Variants in PMP22 observed in about 807,000 individuals in gnomAD.
PMP22 encodes the protein Charcot-Marie-Tooth neuropathy 1A (greatly reduced nerve conduction velocity, hereditary motor sensory neuropathy Ia).
A neutral mutation model predicts 18.9 loss-of-function variants in PMP22; 2 were observed. That is an observed-to-expected ratio of 0.11 (90% CI 0.04 to 0.33). The LOEUF (loss-of-function observed/expected upper bound fraction) is 0.33. Among genes scored for constraint, PMP22 ranks in the 10% least tolerant of loss-of-function variants. The pLI, the probability that PMP22 is intolerant of heterozygous loss-of-function variation, is 1.00. For missense variants in PMP22, 169 were observed against 202.2 expected (o/e 0.84, Z 1.00); for synonymous variants, 95 against 89.2 (o/e 1.07, Z -0.37).
At chr17:15,262,393 C>T (rs1400432122) in intron 1 of PMP22, 1 of 152,440 alleles carries the variant, frequency 6.6e-6, no homozygotes, top group East Asian at 1.9e-4. Context: ...CACATTTCTC[C>T]TCCATCTCCT....
At position 15,261,623 on chromosome 17, in the gene PMP22, G is replaced by A. The variant is rs1909352302; in HGVS notation, c.-34-862C>T. On this transcript the variant is annotated intron_variant, in intron 1 of 4. Coordinates refer to ENST00000312280, the MANE Select transcript of PMP22 (RefSeq NM_000304.4). The surrounding 1 kb of genome is among the most constrained non-coding windows in gnomAD (Gnocchi z 5.2). The stretch of plus-strand genomic sequence containing the variant: ...ACGAACCCCAACAAGCCTGAGCTCC[G>A]GTCTGGGTGCGGTGGGACAGGAGCC... 6.6e-6 allele frequency: 1 copy of A among 152,364 alleles called. No homozygotes were observed. The highest frequency in any genetic ancestry group is 1.5e-5 in the Non-Finnish European group (1 of 68,196). The allele number at this position is 152,364 out of a possible 1,614,324, so 9.4% of individuals were successfully genotyped here.
intron 4 of PMP22, chr17:15,232,613 G>A (rs1201659138): frequency 2.6e-5 from 4 of 152,218 alleles, no homozygotes; most frequent in East Asian, 1.9e-4. Flanking sequence ...TGAAGGCAGG[G>A]CTATAAAAAA....
At chr17:15,245,117 C>T (rs1451797436) in intron 3 of PMP22, among the ~76,000 whole-genome samples, 1 of 152,126 alleles carries the variant, frequency 6.6e-6, no homozygotes, top group Non-Finnish European at 1.5e-5. Flanking sequence ...AGAGCCCAGC[C>T]CAGGAGAAAG....
At chr17:15,242,090 A>C (rs1907373840) in intron 3 of PMP22, among the ~76,000 whole-genome samples, 2 of 151,938 alleles carry the variant, frequency 1.3e-5, no homozygotes, top group African/African-American at 4.8e-5. Flanking sequence ...CATCTCTACG[A>C]AAAATACAAA....
intron 3 of PMP22, among the ~76,000 whole-genome samples, chr17:15,241,461 C>A (rs777244590): frequency 3.3e-5 from 5 of 152,272 alleles, no homozygotes; most frequent in East Asian, 1.9e-4. Context: ...GGGAAATGTC[C>A]TTCCATGTGC....
chr17:15,264,875 G>A (rs1909606882), intron 1 of PMP22, among the ~76,000 whole-genome samples: 1 of 152,074 alleles, frequency 6.6e-6, no homozygotes, highest in African/African-American at 2.4e-5. Context: ...ATTTTCCATG[G>A]GGGAAAAAGC....
At chr17:15,233,488 TTAACAGTGACTGCAACCCCATGAGAGTGA>T (rs541783481) in intron 4 of PMP22, among the ~76,000 whole-genome samples, 125 of 152,354 alleles carry the variant, frequency 8.2e-4, no homozygotes, top group African/African-American at 2.7e-3. Flanking sequence ...TTAAGCTCCT[TTAACAGTGACTGCAACCCCATGAGAGTGA>T]TTAGAGCCCA....
intron 2 of PMP22, 45 bp downstream of exon 2, chr17:15,260,605 G>T: frequency 6.7e-7 from 1 of 1,483,456 alleles, no homozygotes; most frequent in South Asian, 1.2e-5. Flanking sequence ...GAACCCAGAT[G>T]GGGAAGGGCG....
intron 3 of PMP22, among the ~76,000 whole-genome samples, chr17:15,249,849 G>A (rs951698433): frequency 6.6e-6 from 1 of 152,210 alleles, no homozygotes; most frequent in African/African-American, 2.4e-5. Context: ...CCCAAGTCCA[G>A]CACATCAGGC....
chr17:15,231,073 G>C lies in PMP22; in HGVS notation c.327C>G (p.Cys109Trp). The C allele has an allele frequency of 6.2e-7, 1 of 1,613,264 alleles. No individual in the cohort carries two copies. The highest frequency in any genetic ancestry group is 8.5e-7 in the Non-Finnish European group (1 of 1,179,858). Residue 109 changes from cysteine to tryptophan, a missense_variant, in exon 5 of 5, where the codon TGC (cysteine) becomes TGG (tryptophan). Cys to Trp is a radical substitution (Grantham distance 215, BLOSUM62 -2). Coordinates refer to ENST00000312280, the MANE Select transcript of PMP22 (RefSeq NM_000304.4). ...TGIFQILAGL[C>W]VMSAAAIYTV... ...TGTAGATGGCCGCAGCACTCATCACGCACAGACCTGGGGAAGGAGAGGGAC... is the reference window on the plus strand; with the variant it reads ...TGTAGATGGCCGCAGCACTCATCACCCACAGACCTGGGGAAGGAGAGGGAC...
chr17:15,252,100 G>A (rs231029), intron 3 of PMP22, among the ~76,000 whole-genome samples: 68,075 of 151,786 alleles, frequency 0.45, 15,904 homozygotes, highest in Non-Finnish European at 0.52. Context: ...AGGGAGCCAC[G>A]AAGATTTTAA....
intron 4 of PMP22, among the ~76,000 whole-genome samples, chr17:15,235,823 G>A (rs1208525614): frequency 6.6e-6 from 1 of 151,942 alleles, no homozygotes; most frequent in Admixed American, 6.6e-5. Flanking sequence ...CATGATCTTG[G>A]CTCACTGCAA....
At chr17:15,250,264 C>A (rs1908219817) in intron 3 of PMP22, among the ~76,000 whole-genome samples, 1 of 152,138 alleles carries the variant, frequency 6.6e-6, no homozygotes, top group Non-Finnish European at 1.5e-5. Flanking sequence ...CCTCCCTCAT[C>A]ACTGGCTGTT....
chr17:15,254,300 G>A (rs536042761), intron 3 of PMP22, among the ~76,000 whole-genome samples: 1 of 152,284 alleles, frequency 6.6e-6, no homozygotes, highest in South Asian at 2.1e-4. Context: ...GCAAGAAAGG[G>A]TTCAGGCAAA....
At chr17:15,238,112 T>A (rs1280187102) in intron 4 of PMP22, among the ~76,000 whole-genome samples, 1 of 152,166 alleles carries the variant, frequency 6.6e-6, no homozygotes, top group Non-Finnish European at 1.5e-5. Flanking sequence ...CCTTGCATAA[T>A]TAGTCATTTA....
intron 4 of PMP22, 151 bp from the exon 5 acceptor site, chr17:15,231,231 T>C (rs1906322083): frequency 1.2e-6 from 1 of 800,738 alleles, no homozygotes; most frequent in African/African-American, 1.7e-5. Context: ...TGAAAGGAGG[T>C]AGCACAAAAA....
intron 3 of PMP22, among the ~76,000 whole-genome samples, chr17:15,246,626 G>A (rs909288642): frequency 6.6e-6 from 1 of 152,208 alleles, no homozygotes; most frequent in Admixed American, 6.5e-5. Context: ...TTGCAAGTAT[G>A]CAATAAATAG....
intron 2 of PMP22, 130 bp from the exon 3 acceptor site, chr17:15,259,323 G>A (rs1909109239): frequency 4.1e-6 from 3 of 736,150 alleles, no homozygotes; most frequent in Non-Finnish European, 4.9e-6. Context: ...CCCCTGCATG[G>A]TAAGAGCCAA....
Position 15,265,269 on chromosome 17 carries a change from A to G in PMP22, c.-150T>C, listed in dbSNP as rs1247021399. On this transcript the variant is annotated 5_prime_UTR_variant, in exon 1 of 5. Coordinates refer to ENST00000312280, the MANE Select transcript of PMP22 (RefSeq NM_000304.4). ...TCAGAGACCCGCAGCCGACAGACTAAGCCTGCAGCTTCCAACCAGGCTCCC... is the reference window on the plus strand; with the variant it reads ...TCAGAGACCCGCAGCCGACAGACTAGGCCTGCAGCTTCCAACCAGGCTCCC... 1 of 152,168 alleles carries G rather than the reference A, an allele frequency of 6.6e-6. No individual in the cohort carries two copies. Among genetic ancestry groups the G allele is most frequent in the Non-Finnish European group, 1.5e-5 (1 of 68,054 alleles). The allele number at this position is 152,168 out of a possible 1,614,324, so 9.4% of individuals were successfully genotyped here.
Sources: gnomAD v4.1 joint callset for allele counts (sites outside exome capture counted in the v4.1 genomes callset) on GRCh38, gnomAD v4.1.1 for gene constraint, Gnocchi (gnomAD v3.1) non-coding constraint, MANE v1.5 for transcripts, NCBI Gene and HGNC (gene_info 2026-07-23, HGNC 2026-07-21) for gene names.